ARID1B: variants seen among roughly 807,000 people sequenced by gnomAD.
The protein encoded by ARID1B is AT-rich interaction domain 1B.
A neutral mutation model predicts 212.3 loss-of-function variants in ARID1B; 30 were observed. The ratio of observed to expected loss-of-function variants is 0.14; its 90% CI spans 0.11 to 0.19. The LOEUF (loss-of-function observed/expected upper bound fraction) is 0.19. Ranked by LOEUF, ARID1B falls within the 10% of genes least tolerant of loss-of-function variation. The pLI is 1.00. For missense variants in ARID1B, 2,891 were observed against 3,204.0 expected (o/e 0.90, Z 2.36); for synonymous variants, 1,402 against 1,301.7 (o/e 1.08, Z -1.66).
At position 156,879,373 on chromosome 6, in the gene ARID1B, CTG is replaced by C. The variant is rs374438047; in HGVS notation, c.1987-22001_1987-22000del. 2.9e-3 allele frequency among the ~76,000 whole-genome samples: 437 copies of C among 152,350 alleles called. 2 individuals carry two copies. The highest frequency in any genetic ancestry group is 9.7e-3 in the African/African-American group (402 of 41,594). ...AGTACAGCAATAAAAATTAGGAAAACTGTATCTGTTCATTAGACCAGTGGAAT... is the reference window on the plus strand; with the variant it reads ...AGTACAGCAATAAAAATTAGGAAAACTATCTGTTCATTAGACCAGTGGAAT... On this transcript the variant is annotated intron_variant, in intron 2 of 19. Coordinates refer to ENST00000636930, the MANE Select transcript of ARID1B (RefSeq NM_001374828.1).
chr6:156,869,891 T>A (rs1180760756), intron 2 of ARID1B, among the ~76,000 whole-genome samples: 2 of 151,918 alleles, frequency 1.3e-5, no homozygotes, highest in African/African-American at 4.8e-5. Context: ...TAAAAATATT[T>A]AAAATATCAT....
intron 15 of ARID1B, among the ~76,000 whole-genome samples, chr6:157,191,055 T>G (rs1453251848): frequency 6.6e-6 from 1 of 151,746 alleles, no homozygotes; most frequent in East Asian, 1.9e-4. Flanking sequence ...TGAATCTGGA[T>G]TTTTCCCCAA....
intron 8 of ARID1B, chr6:157,152,472 T>C (rs1208930640): frequency 1.3e-5 from 2 of 152,252 alleles, no homozygotes; most frequent in East Asian, 1.9e-4. Context: ...AGGGCTCATA[T>C]TCATAGCCCC....
chr6:157,080,145 A>G (rs921299850), intron 4 of ARID1B, among the ~76,000 whole-genome samples: 9 of 152,304 alleles, frequency 5.9e-5, no homozygotes, highest in African/African-American at 2.2e-4. Flanking sequence ...TGAGCAAGAG[A>G]TGCCCAAATG....
At chr6:157,174,250 A>G (rs1791932450) in intron 10 of ARID1B, 133 bp downstream of exon 10, 2 of 688,012 alleles carry the variant, frequency 2.9e-6, no homozygotes, top group Non-Finnish European at 5.0e-6. Context: ...TTTGTGCAAC[A>G]TGTTTGTAGT....
In ARID1B at chr6:157,094,321, G is replaced by A. The variant is rs929438178; in HGVS notation, c.2491+9416G>A. The stretch of plus-strand genomic sequence containing the variant: ...GCAGTTAGGTGAGAGAGGAGCTAAC[G>A]ACTTTGTAGGTTATGATTATGATTT... On this transcript the variant is annotated intron_variant, in intron 5 of 19. Transcript: ENST00000636930. This position sits in a 1 kb window ranked among gnomAD's most constrained non-coding sequence, Gnocchi z 4.3. Among the ~76,000 whole-genome samples the A allele has an allele frequency of 4.6e-5, 7 of 152,058 alleles. No individual in the cohort carries two copies. The highest frequency in any genetic ancestry group is 8.8e-5 in the Non-Finnish European group (6 of 68,002).
rs531211734 is a variant in ARID1B, at chr6:157,182,754, G to A, written c.3715-1477G>A. On this transcript the variant is annotated intron_variant, in intron 12 of 19. Coordinates refer to ENST00000636930, the MANE Select transcript of ARID1B (RefSeq NM_001374828.1). ...CAGCTGCTAAGTCGTGTGATACCAC[G>A]TGTGAGTGATGGTCAGCAAAGAGAA... Among the ~76,000 whole-genome samples, 10 of 152,252 alleles carry A rather than the reference G, an allele frequency of 6.6e-5. No individual in the cohort carries two copies. The Middle Eastern group carries it at 0.014, about 207-fold the overall frequency.
intron 4 of ARID1B, among the ~76,000 whole-genome samples, chr6:156,962,650 T>C (rs764462006): frequency 6.6e-6 from 1 of 151,982 alleles, no homozygotes; most frequent in African/African-American, 2.4e-5. Context: ...CCCCGGCTAA[T>C]TTTTTTGTAT....
At chr6:157,057,974 G>A (rs1374162575) in intron 4 of ARID1B, among the ~76,000 whole-genome samples, 1 of 152,112 alleles carries the variant, frequency 6.6e-6, no homozygotes, top group Non-Finnish European at 1.5e-5. Context: ...AATTTTTTGA[G>A]TTTTGATGAG....
At chr6:157,198,985 C>A in intron 17 of ARID1B, 78 bp downstream of exon 17, 1 of 1,221,704 alleles carries the variant, frequency 8.2e-7, no homozygotes, top group Non-Finnish European at 1.1e-6. Flanking sequence ...TGTCTTACTT[C>A]TGAAGATTTT....
At chr6:157,005,132 T>TTTG (rs150174504) in intron 4 of ARID1B, among the ~76,000 whole-genome samples, 8,496 of 148,888 alleles carry the variant, frequency 0.057, 240 homozygotes, top group African/African-American at 0.069. Context: ...CAGGCTGTTT[T>TTTG]TTGTTGTTGT....
intron 8 of ARID1B, 198 bp from the exon 9 acceptor site, chr6:157,166,842 A>G: frequency 3.8e-6 from 2 of 521,052 alleles, no homozygotes; most frequent in South Asian, 9.3e-5. Flanking sequence ...TAATATTTGG[A>G]ATTGTAAAGG....
intron 7 of ARID1B, among the ~76,000 whole-genome samples, chr6:157,138,472 A>G (rs892228520): frequency 6.6e-6 from 1 of 152,188 alleles, no homozygotes; most frequent in African/African-American, 2.4e-5. Context: ...TCCTGGGCTC[A>G]CATGATCCAC....
chr6:156,800,279 G>C (rs1780682736), intron 1 of ARID1B, among the ~76,000 whole-genome samples: 1 of 152,138 alleles, frequency 6.6e-6, no homozygotes, highest in African/African-American at 2.4e-5. Context: ...GCTTTGTGTG[G>C]CTATTTAAAT....
At chr6:157,042,048 C>T (rs189805184) in intron 4 of ARID1B, among the ~76,000 whole-genome samples, 51 of 152,304 alleles carry the variant, frequency 3.3e-4, no homozygotes, top group Admixed American at 2.0e-3. Context: ...TTCTCAGACT[C>T]GTCTTCCTCT....
At chr6:157,095,996 C>T (rs1050083355) in intron 5 of ARID1B, among the ~76,000 whole-genome samples, 3 of 152,214 alleles carry the variant, frequency 2.0e-5, no homozygotes, top group African/African-American at 4.8e-5. Context: ...TACCACTGAC[C>T]ATGACTTTGC....
chr6:157,204,128 T>C (rs1794292011), intron 19 of ARID1B, 132 bp downstream of exon 19: 6 of 1,169,926 alleles, frequency 5.1e-6, no homozygotes, highest in African/African-American at 3.0e-5. Flanking sequence ...GCAGTTGTTA[T>C]CAACCAGCCT....
chr6:156,945,232 G>GC (rs1299550303), intron 4 of ARID1B, among the ~76,000 whole-genome samples: 5 of 70,722 alleles, frequency 7.1e-5, no homozygotes, highest in Admixed American at 5.2e-4. Context: ...CCCGCATCCG[G>GC]CTTTTTTTTT....
At chr6:156,862,870 G>A (rs1785432093) in intron 2 of ARID1B, among the ~76,000 whole-genome samples, 1 of 152,254 alleles carries the variant, frequency 6.6e-6, no homozygotes, top group Non-Finnish European at 1.5e-5. Context: ...GTGAATGACA[G>A]AACAGATGAT....
Sources: allele counts gnomAD v4.1 joint callset (sites outside exome capture counted in the v4.1 genomes callset), GRCh38; gene constraint gnomAD v4.1.1; non-coding constraint Gnocchi (gnomAD v3.1); transcripts MANE v1.5; gene names NCBI Gene and HGNC (gene_info 2026-07-23, HGNC 2026-07-21).